KCTD2: variants seen among roughly 807,000 people sequenced by gnomAD.
The protein encoded by KCTD2 is potassium channel tetramerization domain containing 2.
KCTD2 carries 18 observed loss-of-function variants against 27.9 expected under a neutral mutation model. The observed-to-expected ratio is 0.64, with a 90% CI of 0.45 to 0.96. The LOEUF is 0.96. Among genes scored for constraint, KCTD2 ranks in the 40% least tolerant of loss-of-function variants. The probability of loss-of-function intolerance (pLI) is 0.00; values close to 1 mark genes in which losing one functional copy is unlikely to be tolerated. For synonymous variants in KCTD2, 175 were observed against 148.4 expected (o/e 1.18, Z -1.30); for missense variants, 280 against 348.0 (o/e 0.80, Z 1.56).
At chr17:75,039,181 A>G (rs752289142) in intron 3 of KCTD2, 1 of 1,613,718 alleles carries the variant, frequency 6.2e-7, no homozygotes, top group South Asian at 1.1e-5. Flanking sequence ...AACCCATATT[A>G]TAGGCAACGG....
rs1228464226 is a variant in KCTD2, at chr17:75,063,003, A to T, written c.763-15A>T. The stretch of plus-strand genomic sequence containing the variant: ...CCTCAGCAGCCTCAGCCTCTCCCCC[A>T]TCTCCAACTTTCAGATTCTTCAGGA... On this transcript the variant is annotated splice_polypyrimidine_tract_variant and intron_variant, in intron 5 of 5. Transcript: ENST00000322444. 1 of 1,613,774 alleles carries T rather than the reference A, an allele frequency of 6.2e-7. No individual in the cohort carries two copies. The highest frequency in any genetic ancestry group is 1.3e-5 in the African/African-American group (1 of 74,890).
intron 3 of KCTD2, among the ~76,000 whole-genome samples, chr17:75,053,341 C>T (rs2073311015): frequency 6.6e-6 from 1 of 152,118 alleles, no homozygotes; most frequent in Non-Finnish European, 1.5e-5. Context: ...TACCAGATGG[C>T]GGGAGGAGGC....
chr17:75,035,227 T>A (rs2040105090), intron 2 of KCTD2: 1 of 152,076 alleles, frequency 6.6e-6, no homozygotes, highest in Non-Finnish European at 1.5e-5. Context: ...CCTCCCTTGT[T>A]TTAGACCCAG....
chr17:75,042,201 C>T (rs1237816878), intron 3 of KCTD2: 4 of 1,614,058 alleles, frequency 2.5e-6, no homozygotes, highest in Non-Finnish European at 3.4e-6. Flanking sequence ...AAGTCATCCA[C>T]CAAGCCAGCC....
chr17:75,044,098 C>A (rs1165023386), upstream of KCTD2, among the ~76,000 whole-genome samples: 1 of 149,902 alleles, frequency 6.7e-6, no homozygotes, highest in Non-Finnish European at 1.5e-5. Flanking sequence ...CATCTTGGCT[C>A]ACTGCAACCT....
At chr17:75,043,580 T>TCCA (rs773251505), upstream of KCTD2, among the ~76,000 whole-genome samples, 145 of 136,122 alleles carry the variant, frequency 1.1e-3, no homozygotes, top group South Asian at 1.6e-3. Context: ...GCCATTGCAC[T>TCCA]CCAGCCTGGA....
intron 1 of KCTD2, 120 bp downstream of exon 1, chr17:75,047,709 C>G: frequency 1.1e-6 from 1 of 885,280 alleles, no homozygotes; most frequent in Non-Finnish European, 1.7e-6. Context: ...GGACCCCATC[C>G]TCCCCCTCCC....
At chr17:75,059,736 C>T in intron 4 of KCTD2, 131 bp downstream of exon 4, 1 of 672,464 alleles carries the variant, frequency 1.5e-6, no homozygotes, top group East Asian at 2.8e-5. Flanking sequence ...TATTCCAAAA[C>T]ATGGGCAAAG....
rs929343550 is a variant in KCTD2 at position 75,037,967 on chromosome 17, T to C, written c.-259+2610T>C. 2.0e-5 allele frequency among the ~76,000 whole-genome samples: 3 copies of C among 151,982 alleles called. No homozygotes were observed. The East Asian group carries it at 5.8e-4, about 30-fold the overall frequency. On this transcript the variant is annotated intron_variant, in intron 3 of 7. Transcript: ENST00000581589. ...AGGAGGCTAAGGCAGGAGAATGGCA[T>C]GAACCCATGAGGTAAAGGTTGCAGT...
intron 2 of KCTD2, among the ~76,000 whole-genome samples, chr17:75,051,848 TAATG>T (rs1285436956): frequency 6.6e-6 from 1 of 152,234 alleles, no homozygotes; most frequent in African/African-American, 2.4e-5. Context: ...GTTGTCCTAA[TAATG>T]GCCTTTATAG....
At chr17:75,056,376 A>C (rs1302609328) in intron 3 of KCTD2, among the ~76,000 whole-genome samples, 1 of 152,254 alleles carries the variant, frequency 6.6e-6, no homozygotes, top group Admixed American at 6.5e-5. Context: ...ACATTCTAAA[A>C]AAATGATTGC....
intron 2 of KCTD2, among the ~76,000 whole-genome samples, chr17:75,049,831 A>G (rs1160251079): frequency 2.0e-5 from 3 of 152,196 alleles, no homozygotes; most frequent in Non-Finnish European, 4.4e-5. Flanking sequence ...TGTCAGGTGT[A>G]TCATTACTTG....
intron 2 of KCTD2, among the ~76,000 whole-genome samples, chr17:75,051,805 C>T (rs1359393675): frequency 6.6e-6 from 1 of 151,832 alleles, no homozygotes. Context: ...AATACTGATG[C>T]TTTTATCTAC....
intron 3 of KCTD2, among the ~76,000 whole-genome samples, chr17:75,057,452 A>G (rs1421794383): frequency 6.6e-6 from 1 of 152,184 alleles, no homozygotes; most frequent in Non-Finnish European, 1.5e-5. Context: ...TTTCCAAAAT[A>G]AGTGGTTACA....
rs766317464 is a variant in KCTD2, at chr17:75,049,291, C to T, written c.411C>T (p.His137=). The change falls in exon 2 of 6, where the codon CAC becomes CAT. Residue 137 remains histidine, a synonymous_variant. Coordinates refer to ENST00000322444, the MANE Select transcript of KCTD2 (RefSeq NM_015353.3). ...YFGPILNYLR[H]GKLIITKELA... ...GTCCTATCCTCAACTACCTCCGCCACGGGAAACTCATCATCACTAAGGAGT... is the reference window on the plus strand; with the variant it reads ...GTCCTATCCTCAACTACCTCCGCCATGGGAAACTCATCATCACTAAGGAGT... 1.3e-5 allele frequency: 21 copies of T among 1,613,472 alleles called. No homozygotes were observed. The highest frequency in any genetic ancestry group is 1.7e-5 in the Non-Finnish European group (20 of 1,179,398).
rs937814247 is a variant in KCTD2 at position 75,061,191 on chromosome 17, C to G, written c.637-929C>G. On this transcript the variant is annotated intron_variant, in intron 4 of 5. Transcript: ENST00000322444. ...GATGAGGAAGTTTGTTTCAGACAGG[C>G]GGAGGCGCCCCCAGCCCCATCCTAC... Among the ~76,000 whole-genome samples the G allele has an allele frequency of 2.6e-5, 4 of 152,310 alleles. No individual in the cohort carries two copies. The South Asian group carries it at 8.3e-4, about 32-fold the overall frequency.
intron 5 of KCTD2, 108 bp from the exon 6 acceptor site, chr17:75,062,910 G>A: frequency 8.3e-7 from 1 of 1,202,394 alleles, no homozygotes; most frequent in Non-Finnish European, 1.2e-6. Context: ...CTTGCTTCCT[G>A]GGATGACAGG....
chr17:75,038,286 C>G (rs57081510), intron 3 of KCTD2, among the ~76,000 whole-genome samples: 1 of 151,858 alleles, frequency 6.6e-6, no homozygotes, highest in Non-Finnish European at 1.5e-5. Flanking sequence ...AGGCGCCCCC[C>G]GCCCCACCAC....
At chr17:75,039,829 C>T (rs1438148749) in intron 3 of KCTD2, 2 of 471,068 alleles carry the variant, frequency 4.2e-6, no homozygotes, top group Non-Finnish European at 7.6e-6. Flanking sequence ...TCAACCATCC[C>T]CAGGCAGCCA....
Sources: gnomAD v4.1 joint callset for allele counts (sites outside exome capture counted in the v4.1 genomes callset) on GRCh38, gnomAD v4.1.1 for gene constraint, MANE v1.5 for transcripts, NCBI Gene and HGNC (gene_info 2026-07-23, HGNC 2026-07-21) for gene names.